Variants in CD84 observed in about 807,000 individuals in gnomAD.
CD84 encodes the protein SLAM family member 5.
Under a neutral mutation model 33.8 loss-of-function variants are expected in CD84, and 22 were observed. The observed-to-expected ratio is 0.65, with a 90% CI of 0.46 to 0.93. The LOEUF (loss-of-function observed/expected upper bound fraction) is 0.93. Ranked by LOEUF, CD84 falls within the 40% of genes least tolerant of loss-of-function variation. The pLI is 0.00. For missense variants in CD84, 400 were observed against 397.6 expected (o/e 1.01, Z -0.05); for synonymous variants, 154 against 145.2 (o/e 1.06, Z -0.44).
At chr1:160,566,769 G>A (rs74124872) in intron 1 of CD84, among the ~76,000 whole-genome samples, 1 of 152,084 alleles carries the variant, frequency 6.6e-6, no homozygotes, top group South Asian at 2.1e-4. Flanking sequence ...TCTGGGAATC[G>A]AGGGAACATT....
At chr1:160,555,007 T>G (rs1656509038) in intron 2 of CD84, among the ~76,000 whole-genome samples, 2 of 151,602 alleles carry the variant, frequency 1.3e-5, no homozygotes, top group Non-Finnish European at 2.9e-5. Context: ...ATAAATTTTA[T>G]ATATATATAT....
At position 160,543,074 on chromosome 1, in the gene CD84, CA is replaced by C. The variant is rs982043019; in HGVS notation, c.*5181del. ...TTATGACCTGAAACCCCTGCCTGTC[CA>C]AAATGCATATAGAGAGCTCTATCCA... is the stretch of plus-strand genomic sequence containing the variant. On this transcript the variant is annotated 3_prime_UTR_variant, in exon 7 of 7. Coordinates refer to ENST00000368054, the MANE Select transcript of CD84 (RefSeq NM_003874.4). The C allele has an allele frequency of 1.3e-5, 2 of 152,036 alleles. No individual in the cohort carries two copies. 9.4% of individuals were successfully genotyped at this position (152,036 alleles called of 1,614,324 possible).
chr1:160,573,185 T>C (rs1657799010), intron 1 of CD84, among the ~76,000 whole-genome samples: 1 of 152,062 alleles, frequency 6.6e-6, no homozygotes, highest in African/African-American at 2.4e-5. Context: ...CAGAAACCCA[T>C]ATATATAGAT....
At chr1:160,553,584 GA>G (rs1656394818) in intron 3 of CD84, 87 bp from the exon 4 acceptor site, 2 of 1,494,282 alleles carry the variant, frequency 1.3e-6, no homozygotes, top group Admixed American at 3.5e-5. Context: ...GGGGCATTAT[GA>G]AAATTGGGTG....
At chr1:160,568,388 T>C (rs182229204) in intron 1 of CD84, among the ~76,000 whole-genome samples, 73 of 152,202 alleles carry the variant, frequency 4.8e-4, no homozygotes, top group Middle Eastern at 3.4e-3. Flanking sequence ...AGCTGTTATT[T>C]GTGCTGCTGG....
intron 1 of CD84, among the ~76,000 whole-genome samples, chr1:160,577,854 G>T (rs187255581): frequency 1.6e-3 from 248 of 152,236 alleles, no homozygotes; most frequent in Middle Eastern, 6.8e-3. Context: ...ATGTAACTTC[G>T]TCTAGGTCAC....
chr1:160,543,120 G>C lies in CD84; in HGVS notation c.*5136C>G, dbSNP rs991466993. ...TATCCAACCTTCTTTAATTAAATGGGCATTTTCAGCAGGAAAGTTGAGTGG... is the reference window on the plus strand; with the variant it reads ...TATCCAACCTTCTTTAATTAAATGGCCATTTTCAGCAGGAAAGTTGAGTGG... On this transcript the variant is annotated 3_prime_UTR_variant, in exon 7 of 7. Coordinates refer to ENST00000368054, the MANE Select transcript of CD84 (RefSeq NM_003874.4). 6.6e-6 allele frequency: 1 copy of C among 152,028 alleles called. No individual in the cohort carries two copies. Among genetic ancestry groups the C allele is most frequent in the Non-Finnish European group, 1.5e-5 (1 of 67,998 alleles). 9.4% of individuals were successfully genotyped at this position (152,028 alleles called of 1,614,324 possible). A position where few individuals can be genotyped will look rare whatever the true frequency, so the allele number is the denominator to read the frequency against.
chr1:160,568,011 G>A (rs56040770), intron 1 of CD84, among the ~76,000 whole-genome samples: 38,004 of 151,964 alleles, frequency 0.25, 5,229 homozygotes, highest in Middle Eastern at 0.38. Context: ...ACTGGGCCTC[G>A]CAAATTATCT....
chr1:160,548,177 G>A lies in CD84; in HGVS notation c.*79C>T. On this transcript the variant is annotated 3_prime_UTR_variant, in exon 7 of 7. Transcript: ENST00000368054. Reference sequence around the variant, plus strand: ...GCAATCTCCCAGTAAGAGTTGGGCAGAGAAGATCTGGATCCAGGGAACCTG... The same window carrying A: ...GCAATCTCCCAGTAAGAGTTGGGCAAAGAAGATCTGGATCCAGGGAACCTG... The A allele has an allele frequency of 1.4e-6, 2 of 1,460,404 alleles. No homozygotes were observed. The highest frequency in any genetic ancestry group is 1.9e-6 in the Non-Finnish European group (2 of 1,043,096). 90.5% of individuals were successfully genotyped at this position (1,460,404 alleles called of 1,614,324 possible).
At chr1:160,553,140 C>T (rs1265070875) in intron 4 of CD84, 3 of 660,718 alleles carry the variant, frequency 4.5e-6, no homozygotes, top group African/African-American at 1.8e-5. Context: ...GTACTAAGCT[C>T]GAACCCATGT....
chr1:160,572,284 T>A (rs1657739342), intron 1 of CD84, among the ~76,000 whole-genome samples: 1 of 152,320 alleles, frequency 6.6e-6, no homozygotes. Context: ...ATAGTCATTC[T>A]TGGTGGCCTT....
chr1:160,556,993 C>T (rs1656651920), intron 2 of CD84, among the ~76,000 whole-genome samples: 2 of 152,126 alleles, frequency 1.3e-5, no homozygotes, highest in African/African-American at 4.8e-5. Flanking sequence ...TCAGAGCCTT[C>T]TTCATCTAGG....
intron 1 of CD84, among the ~76,000 whole-genome samples, chr1:160,575,854 A>T (rs1252554200): frequency 6.6e-6 from 1 of 152,046 alleles, no homozygotes; most frequent in Non-Finnish European, 1.5e-5. Context: ...CTCCATATTG[A>T]TCTCCAGGAC....
Position 160,547,248 on chromosome 1 carries a change from G to A in CD84, c.*1008C>T, listed in dbSNP as rs1005763948. ...CACCATCATCTCCCAAGTTCCTTCT[G>A]GAGAATGACTCTGCTTCTTGCAAGG... is the stretch of plus-strand genomic sequence containing the variant. On this transcript the variant is annotated 3_prime_UTR_variant, in exon 7 of 7. Coordinates refer to ENST00000368054, the MANE Select transcript of CD84 (RefSeq NM_003874.4). The A allele has an allele frequency of 1.0e-5, 4 of 398,462 alleles. No homozygotes were observed. The highest frequency in any genetic ancestry group is 8.2e-5 in the African/African-American group (4 of 48,612). 24.7% of individuals were successfully genotyped at this position (398,462 alleles called of 1,614,324 possible). A position where few individuals can be genotyped will look rare whatever the true frequency, so the allele number is the denominator to read the frequency against.
intron 6 of CD84, among the ~76,000 whole-genome samples, chr1:160,549,451 C>T (rs1656044310): frequency 6.6e-6 from 1 of 151,964 alleles, no homozygotes; most frequent in African/African-American, 2.4e-5. Context: ...AGGCACTTGG[C>T]ACTACAAATG....
chr1:160,557,297 A>G (rs1259656432), intron 2 of CD84, among the ~76,000 whole-genome samples: 3 of 152,234 alleles, frequency 2.0e-5, no homozygotes, highest in Non-Finnish European at 4.4e-5. Flanking sequence ...TCTTATATTA[A>G]TCGAACATTC....
At chr1:160,575,924 G>GT (rs1406703631) in intron 1 of CD84, among the ~76,000 whole-genome samples, 1 of 152,160 alleles carries the variant, frequency 6.6e-6, no homozygotes, top group Non-Finnish European at 1.5e-5. Context: ...GAAGGCCTGA[G>GT]TTATCACAGG....
Position 160,565,583 on chromosome 1 carries a change from G to A in CD84, c.209C>T (p.Thr70Ile), listed in dbSNP as rs1221091048. 3 of 1,613,880 alleles carry A rather than the reference G, an allele frequency of 1.9e-6. No homozygotes were observed. The highest frequency in any genetic ancestry group is 2.2e-5 in the East Asian group (1 of 44,890). The change falls in exon 2 of 7, where the codon ACA becomes ATA. Residue 70 changes from threonine to isoleucine, a missense_variant. By Grantham distance (89) the Thr-to-Ile change is moderately conservative. Transcript: ENST00000368054. Reference protein sequence around the residue: ...VAYVTPGDSETAPVVTVTHRN... With the variant: ...VAYVTPGDSEIAPVVTVTHRN... ...GTGGGTCACAGTAACTACGGGTGCT[G>A]TTTCTGAGTCTCCTGGTGTTACATA...
rs1349304076 is a variant in CD84, at chr1:160,541,126, C to T, written c.*7130G>A. 6.6e-6 allele frequency: 1 copy of T among 152,116 alleles called. No individual in the cohort carries two copies. The highest frequency in any genetic ancestry group is 1.5e-5 in the Non-Finnish European group (1 of 68,028). 9.4% of individuals were successfully genotyped at this position (152,116 alleles called of 1,614,324 possible). ...ATTATAAAATAATATTTATTGTGTC[C>T]TGCTGAAATGGAGCTTGTAGTCTCA... On this transcript the variant is annotated 3_prime_UTR_variant, in exon 7 of 7. Coordinates refer to ENST00000368054, the MANE Select transcript of CD84 (RefSeq NM_003874.4).
Sources: allele counts gnomAD v4.1 joint callset (sites outside exome capture counted in the v4.1 genomes callset), GRCh38; gene constraint gnomAD v4.1.1; transcripts MANE v1.5; gene names NCBI Gene and HGNC (gene_info 2026-07-23, HGNC 2026-07-21).